CDH8: variants seen among roughly 807,000 people sequenced by gnomAD.
The protein encoded by CDH8 is cadherin-8.
In CDH8, 17 loss-of-function variants were observed where a neutral mutation model predicts 68.1. The observed-to-expected ratio is 0.25, with a 90% confidence interval of 0.17 to 0.37. The LOEUF is 0.37. Among genes scored for constraint, CDH8 ranks in the 10% least tolerant of loss-of-function variants. The pLI is 1.00. For synonymous variants in CDH8, 372 were observed against 365.1 expected, an observed-to-expected ratio of 1.02 and a Z score of -0.21; for missense variants, 763 against 999.3, an observed-to-expected ratio of 0.76 and a Z score of 3.19.
intron 2 of CDH8, among the ~76,000 whole-genome samples, chr16:62,007,475 A>G (rs1965996157): frequency 6.6e-6 from 1 of 152,200 alleles, no homozygotes; most frequent in African/African-American, 2.4e-5. Flanking sequence ...TTCAAGAACA[A>G]AAAAAGATCA....
At chr16:61,705,698 T>C (rs1964515118) in intron 10 of CDH8, among the ~76,000 whole-genome samples, 1 of 152,218 alleles carries the variant, frequency 6.6e-6, no homozygotes, top group African/African-American at 2.4e-5. Flanking sequence ...TCCATGAAGA[T>C]CTTACACTTC....
chr16:62,020,189 T>C (rs557182444), intron 2 of CDH8, among the ~76,000 whole-genome samples: 1 of 152,240 alleles, frequency 6.6e-6, no homozygotes, highest in Non-Finnish European at 1.5e-5. Flanking sequence ...CAGCATTTAA[T>C]TCCCCTCCTA....
chr16:61,808,972 G>T (rs560629267), intron 7 of CDH8, among the ~76,000 whole-genome samples: 83 of 152,274 alleles, frequency 5.5e-4, no homozygotes, highest in Admixed American at 1.2e-3. Context: ...GATCACCTGA[G>T]GTCAGGAGTT....
intron 2 of CDH8, among the ~76,000 whole-genome samples, chr16:61,985,933 T>G (rs1965618556): frequency 7.1e-6 from 1 of 141,366 alleles, no homozygotes; most frequent in Admixed American, 7.0e-5. Flanking sequence ...TTTTTTTTTT[T>G]TTTTTTTTGA....
rs73568801 is a variant in CDH8, at chr16:62,033,319, T to G, written c.-200+2761A>C. Among the ~76,000 whole-genome samples the G allele has an allele frequency of 8.7e-3, 1,325 of 152,336 alleles. 18 individuals carry two copies. Among genetic ancestry groups the G allele is most frequent in the African/African-American group, 0.03 (1,232 of 41,566 alleles). ...ATACCCAAATAAAGTTGTTTTCCAG[T>G]GTAAGGAATTCCTTCCCTTCAGAGT... is the stretch of plus-strand genomic sequence containing the variant. On this transcript the variant is annotated intron_variant, in intron 1 of 11. Transcript: ENST00000577390.
chr16:61,995,672 C>G (rs373760659), intron 2 of CDH8, among the ~76,000 whole-genome samples: 1 of 152,132 alleles, frequency 6.6e-6, no homozygotes, highest in African/African-American at 2.4e-5. Flanking sequence ...CCATGGCTCC[C>G]GGCCTACTTT....
intron 8 of CDH8, among the ~76,000 whole-genome samples, chr16:61,739,447 C>T (rs1159126665): frequency 6.6e-6 from 1 of 151,854 alleles, no homozygotes; most frequent in Non-Finnish European, 1.5e-5. Context: ...CTCACTCTCT[C>T]TTTGAAGTTT....
chr16:61,902,440 T>C (rs925317635), intron 2 of CDH8, among the ~76,000 whole-genome samples: 2 of 152,076 alleles, frequency 1.3e-5, no homozygotes, highest in Non-Finnish European at 2.9e-5. Flanking sequence ...AATAAAACAA[T>C]AATATATGTA....
intron 3 of CDH8, among the ~76,000 whole-genome samples, chr16:61,863,430 C>T (rs1567505254): frequency 6.6e-6 from 1 of 152,066 alleles, no homozygotes; most frequent in Non-Finnish European, 1.5e-5. Flanking sequence ...GAAAGACCTT[C>T]AGGAAAATGA....
Position 61,822,205 on chromosome 16 carries a change from C to CTTTTTTTTTTTTTTTTTT in CDH8, c.836-1110_836-1093dup, listed in dbSNP as rs71707137. On this transcript the variant is annotated intron_variant, in intron 5 of 11. Transcript: ENST00000577390. Reference sequence around the variant, plus strand: ...TGTAGTAACTGGCTCAAAAACGCACCTTTTTTTTTTTTTTTTTTTTTTTTT... The same window carrying CTTTTTTTTTTTTTTTTTT: ...TGTAGTAACTGGCTCAAAAACGCACCTTTTTTTTTTTTTTTTTTTTTTTTTTTTTTTTTTTTTTTTTTT... Among the ~76,000 whole-genome samples, 2 of 45,648 alleles carry CTTTTTTTTTTTTTTTTTT rather than the reference C, an allele frequency of 4.4e-5. 1 individual carries two copies. Among genetic ancestry groups the CTTTTTTTTTTTTTTTTTT allele is most frequent in the Non-Finnish European group, 7.2e-5 (2 of 27,590 alleles). The allele number at this position is 45,648 out of a possible 152,430, so 29.9% of individuals were successfully genotyped here. A position where few individuals can be genotyped will look rare whatever the true frequency, so the allele number is the denominator to read the frequency against.
chr16:62,010,649 T>C (rs952569719), intron 2 of CDH8, among the ~76,000 whole-genome samples: 1 of 152,144 alleles, frequency 6.6e-6, no homozygotes, highest in Non-Finnish European at 1.5e-5. Flanking sequence ...AATCTCTTTT[T>C]CTCTTGGGGG....
chr16:61,937,798 G>A (rs1964650570), intron 2 of CDH8: 1 of 152,104 alleles, frequency 6.6e-6, no homozygotes, highest in African/African-American at 2.4e-5. Context: ...CTTTCTCTGG[G>A]CAGTAACTGA....
chr16:61,732,137 T>C (rs1959555193), intron 8 of CDH8, among the ~76,000 whole-genome samples: 1 of 151,342 alleles, frequency 6.6e-6, no homozygotes, highest in African/African-American at 2.4e-5. Context: ...CCATTAAGTG[T>C]CATATATGCA....
intron 10 of CDH8, among the ~76,000 whole-genome samples, chr16:61,656,163 C>T (rs1197314043): frequency 3.3e-5 from 5 of 152,176 alleles, no homozygotes; most frequent in African/African-American, 1.2e-4. Context: ...TGAGCCACTG[C>T]GCCCGGCCTG....
At position 61,675,559 on chromosome 16, in the gene CDH8, C is replaced by T. The variant is rs564992768; in HGVS notation, c.1655-19838G>A. On this transcript the variant is annotated intron_variant, in intron 10 of 11. Transcript: ENST00000577390. ...GCACATGTATACATATGTAACTAAC[C>T]TGCACAATGTGCACATGTACCCTAA... Among the ~76,000 whole-genome samples the T allele has an allele frequency of 1.3e-3, 192 of 147,912 alleles. 1 individual carries two copies. The highest frequency in any genetic ancestry group is 4.6e-3 in the African/African-American group (183 of 39,922).
At chr16:61,860,664 A>G (rs911311131) in intron 3 of CDH8, among the ~76,000 whole-genome samples, 2 of 151,820 alleles carry the variant, frequency 1.3e-5, no homozygotes, top group African/African-American at 4.9e-5. Flanking sequence ...TGTAATATTC[A>G]GTATGATATT....
Position 61,647,968 on chromosome 16 carries a change from T to G in CDH8, c.*5640A>C, listed in dbSNP as rs1255188511. The G allele has an allele frequency of 1.6e-6, 1 of 644,954 alleles. No homozygotes were observed. The highest frequency in any genetic ancestry group is 2.8e-5 in the East Asian group (1 of 35,988). The allele number at this position is 644,954 out of a possible 1,614,324, so 40.0% of individuals were successfully genotyped here. ...ATAATACTTGCATTCAAGATGTGAA[T>G]TAGATGGTGGCAGGTAACTCAAGTT... On this transcript the variant is annotated 3_prime_UTR_variant, in exon 12 of 12. Coordinates refer to ENST00000577390, the MANE Select transcript of CDH8 (RefSeq NM_001796.5).
intron 2 of CDH8, among the ~76,000 whole-genome samples, chr16:61,976,501 G>C (rs1965436754): frequency 6.6e-6 from 1 of 152,074 alleles, no homozygotes; most frequent in Non-Finnish European, 1.5e-5. Flanking sequence ...GAGTACTGGA[G>C]GGACCAGAGG....
chr16:61,818,614 T>TA (rs542651231), intron 6 of CDH8, among the ~76,000 whole-genome samples: 2 of 152,278 alleles, frequency 1.3e-5, no homozygotes, highest in South Asian at 4.1e-4. Flanking sequence ...TAAAGCTAGG[T>TA]AAAAAGAATT....
Sources: allele counts gnomAD v4.1 joint callset (sites outside exome capture counted in the v4.1 genomes callset), GRCh38; gene constraint gnomAD v4.1.1; transcripts MANE v1.5; gene names NCBI Gene and HGNC (gene_info 2026-07-23, HGNC 2026-07-21).